IRF4: variants seen among roughly 807,000 people sequenced by gnomAD.
The protein encoded by IRF4 is interferon regulatory factor 4.
IRF4 carries 13 observed loss-of-function variants against 55.5 expected under a neutral mutation model. That is an observed-to-expected ratio of 0.23 (90% CI 0.15 to 0.37). The LOEUF (loss-of-function observed/expected upper bound fraction) is 0.37. Among genes scored for constraint, IRF4 ranks in the 10% least tolerant of loss-of-function variants. The pLI is 1.00. For missense variants in IRF4, 397 were observed against 593.8 expected (o/e 0.67, Z 3.44); for synonymous variants, 249 against 240.7 (o/e 1.03, Z -0.32).
At position 411,249 on chromosome 6, in the gene IRF4, A is replaced by G. The variant is rs946776513; in HGVS notation, c.*3651A>G. On this transcript the variant is annotated 3_prime_UTR_variant, in exon 9 of 9. Transcript: ENST00000380956. ...TAGGACCCCAGAGGCCCCCAAATGAAAGCTTGAATTTCCCCTACTGGCTCT... is the reference window on the plus strand; with the variant it reads ...TAGGACCCCAGAGGCCCCCAAATGAGAGCTTGAATTTCCCCTACTGGCTCT... The G allele has an allele frequency of 4.4e-6, 1 of 229,098 alleles. No individual in the cohort carries two copies. Among genetic ancestry groups the G allele is most frequent in the African/African-American group, 2.2e-5 (1 of 45,104 alleles). The allele number at this position is 229,098 out of a possible 1,614,324, so 14.2% of individuals were successfully genotyped here.
chr6:395,972 C>T, intron 4 of IRF4, 37 bp downstream of exon 4: 1 of 1,522,846 alleles, frequency 6.6e-7, no homozygotes, highest in Non-Finnish European at 9.1e-7. Flanking sequence ...GAGGGCGAGG[C>T]TGTGTGGGCC....
At chr6:394,560 A>T (rs1165817285) in intron 2 of IRF4, among the ~76,000 whole-genome samples, 2 of 152,204 alleles carry the variant, frequency 1.3e-5, no homozygotes, top group African/African-American at 4.8e-5. Context: ...TATGCAACAT[A>T]GTGAGACCCT....
intron 7 of IRF4, 128 bp downstream of exon 7, chr6:401,905 C>A: frequency 1.3e-6 from 1 of 740,856 alleles, no homozygotes; most frequent in Non-Finnish European, 2.3e-6. Context: ...GCCCACTGGG[C>A]TTGGGGCTTG....
In IRF4 at chr6:395,252, T is replaced by C. The variant is rs535217176; in HGVS notation, c.403+245T>C. ...CTCAATGTATATGGGGGGGGGTGCATTGAATATGTGTTTTCCAGTTAGTCT... is the reference window on the plus strand; with the variant it reads ...CTCAATGTATATGGGGGGGGGTGCACTGAATATGTGTTTTCCAGTTAGTCT... On this transcript the variant is annotated intron_variant, in intron 3 of 8. Transcript: ENST00000380956. 1.8e-4 allele frequency among the ~76,000 whole-genome samples: 27 copies of C among 150,626 alleles called. 1 individual carries two copies. The East Asian group carries it at 4.7e-3, about 26-fold the overall frequency.
intron 6 of IRF4, among the ~76,000 whole-genome samples, chr6:399,139 T>C (rs1310246669): frequency 6.6e-6 from 1 of 152,228 alleles, no homozygotes; most frequent in African/African-American, 2.4e-5. Flanking sequence ...CTGCTTGTGG[T>C]TCTGCTGACC....
At chr6:396,075 C>G in intron 4 of IRF4, 140 bp downstream of exon 4, 1 of 643,904 alleles carries the variant, frequency 1.6e-6, no homozygotes, top group Admixed American at 2.9e-5. Flanking sequence ...AACCCCAGGT[C>G]ACTGAACGAA....
Position 401,379 on chromosome 6 carries a change from G to C in IRF4, c.746-45G>C, listed in dbSNP as rs375273531. On this transcript the variant is annotated intron_variant, in intron 6 of 8. Transcript: ENST00000380956. ...CTGTGGAGTCGTTGGCCTCGAGGTG[G>C]TGTCCTTGGCCCCCAGCACTGACTC... 19 of 1,468,824 alleles carry C rather than the reference G, an allele frequency of 1.3e-5. No homozygotes were observed. In the African/African-American group the frequency reaches 2.4e-4, roughly 18 times the overall value. The allele number at this position is 1,468,824 out of a possible 1,614,324, so 91.0% of individuals were successfully genotyped here.
intron 5 of IRF4, chr6:397,491 A>G: frequency 6.0e-6 from 3 of 498,314 alleles, no homozygotes; most frequent in Non-Finnish European, 1.1e-5. Context: ...TTTAAACACC[A>G]CAGAGATCAC....
At chr6:396,085 A>C in intron 4 of IRF4, 150 bp downstream of exon 4, 1 of 622,734 alleles carries the variant, frequency 1.6e-6, no homozygotes, top group Non-Finnish European at 2.8e-6. Flanking sequence ...CACTGAACGA[A>C]TGTCTCACTT....
At position 411,269 on chromosome 6, in the gene IRF4, G is replaced by A. The variant is rs893490150; in HGVS notation, c.*3671G>A. The A allele has an allele frequency of 2.6e-5, 6 of 228,250 alleles. No homozygotes were observed. Among genetic ancestry groups the A allele is most frequent in the Non-Finnish European group, 5.2e-5 (6 of 114,890 alleles). The allele number at this position is 228,250 out of a possible 1,614,324, so 14.1% of individuals were successfully genotyped here. A position where few individuals can be genotyped will look rare whatever the true frequency, so the allele number is the denominator to read the frequency against. On this transcript the variant is annotated 3_prime_UTR_variant, in exon 9 of 9. Transcript: ENST00000380956. ...AATGAAAGCTTGAATTTCCCCTACT[G>A]GCTCTGCGTTTTGCTGAGATCTGTA...
intron 7 of IRF4, among the ~76,000 whole-genome samples, chr6:402,369 A>G (rs1387812097): frequency 6.6e-6 from 1 of 152,060 alleles, no homozygotes; most frequent in Non-Finnish European, 1.5e-5. Context: ...GCTTCTGTGA[A>G]GCCCCTCGCC....
intron 7 of IRF4, among the ~76,000 whole-genome samples, chr6:402,973 G>A (rs1219323558): frequency 1.3e-5 from 2 of 152,252 alleles, no homozygotes; most frequent in African/African-American, 4.8e-5. Context: ...GGCGGAGGTT[G>A]CAGTGAGCTG....
chr6:406,662 C>A lies in IRF4; in HGVS notation c.1213-793C>A, dbSNP rs1027768615. On this transcript the variant is annotated intron_variant, in intron 8 of 8. Coordinates refer to ENST00000380956, the MANE Select transcript of IRF4 (RefSeq NM_002460.4). ...CAGGGAAAGATGGATCCCCAGATGA[C>A]CCCCTCATGCTGAAGACGAGGCTGC... is the stretch of plus-strand genomic sequence containing the variant. 2.5e-5 allele frequency: 8 copies of A among 318,604 alleles called. No homozygotes were observed. The Admixed American group carries it at 3.1e-4, about 12-fold the overall frequency. The allele number at this position is 318,604 out of a possible 1,614,324, so 19.7% of individuals were successfully genotyped here.
intron 1 of IRF4, chr6:392,042 C>T (rs1418401051): frequency 8.6e-6 from 3 of 347,208 alleles, no homozygotes; most frequent in African/African-American, 2.1e-5. Context: ...TCCCCGCCTG[C>T]CCTCCGCGCT....
rs561637879 is a variant in IRF4, at chr6:395,577, G to A, written c.404-270G>A. On this transcript the variant is annotated intron_variant, in intron 3 of 8. Coordinates refer to ENST00000380956, the MANE Select transcript of IRF4 (RefSeq NM_002460.4). ...CTCACTTGGGAAACATCTGGCTGGC[G>A]GGGTCCTTTATGTCACAAGGCACAT... Among the ~76,000 whole-genome samples, 4 of 152,246 alleles carry A rather than the reference G, an allele frequency of 2.6e-5. No individual in the cohort carries two copies. The South Asian group carries it at 6.2e-4, about 24-fold the overall frequency.
At chr6:394,775 C>A (rs1581222298) in intron 2 of IRF4, 46 bp from the exon 3 acceptor site, 2 of 1,552,452 alleles carry the variant, frequency 1.3e-6, no homozygotes, top group Non-Finnish European at 1.8e-6. Flanking sequence ...GCTAATAAAC[C>A]AGACATGTAT....
Position 407,401 on chromosome 6 carries a change from G to A in IRF4, c.1213-54G>A, listed in dbSNP as rs1191770673. 6 of 1,530,320 alleles carry A rather than the reference G, an allele frequency of 3.9e-6. No individual in the cohort carries two copies. The Admixed American group carries it at 1.2e-4, about 30-fold the overall frequency. 94.8% of individuals were successfully genotyped at this position (1,530,320 alleles called of 1,614,324 possible). ...CTTAGAATCTGAGTGCTGTTTAATA[G>A]TGAGCCAGTTGCAGGATATCTCAGT... On this transcript the variant is annotated intron_variant, in intron 8 of 8. Transcript: ENST00000380956.
In IRF4 at chr6:407,492, C is replaced by T; in HGVS notation, c.1250C>T (p.Ala417Val). The T allele has an allele frequency of 6.2e-7, 1 of 1,610,500 alleles. No homozygotes were observed. The highest frequency in any genetic ancestry group is 8.5e-7 in the Non-Finnish European group (1 of 1,178,848). Residue 417 changes from alanine to valine, a missense_variant, in exon 9 of 9, where the codon GCT becomes GTT. Around this residue, in one of 3 missense-constraint regions of IRF4, gnomAD observed 341 missense variants for 548.1 expected, o/e 0.62. Transcript: ENST00000380956. The part of the protein sequence containing the change: ...PLLARQLYYF[A>V]QQNSGHFLRG... ...CTAGCCAGACAACTATATTATTTTG[C>T]TCAACAAAACAGTGGACATTTCCTG...
chr6:394,735 G>A, intron 2 of IRF4, 86 bp from the exon 3 acceptor site: 7 of 1,281,894 alleles, frequency 5.5e-6, no homozygotes, highest in South Asian at 2.7e-5. Flanking sequence ...AGCCTGGGCA[G>A]CAGAGCAGGA....
Sources: allele counts gnomAD v4.1 joint callset (sites outside exome capture counted in the v4.1 genomes callset), GRCh38; gene constraint gnomAD v4.1.1; regional missense constraint gnomAD v4.1.1; transcripts MANE v1.5; gene names NCBI Gene and HGNC (gene_info 2026-07-23, HGNC 2026-07-21).